The following B3GALT2 variants were observed in gnomAD, a reference collection of about 807,000 sequenced individuals.
B3GALT2 encodes the protein beta-1,3-galactosyltransferase 2.
Under a neutral mutation model 33.5 loss-of-function variants are expected in B3GALT2, and 13 were observed. The observed-to-expected ratio is 0.39, with a 90% CI of 0.25 to 0.62. The LOEUF is 0.62. Among genes scored for constraint, B3GALT2 ranks in the 20% least tolerant of loss-of-function variants. B3GALT2 has a pLI of 0.53. For synonymous variants in B3GALT2, 195 were observed against 172.7 expected, an observed-to-expected ratio of 1.13 and a Z score of -1.01; for missense variants, 418 against 509.1, an observed-to-expected ratio of 0.82 and a Z score of 1.72.
At chr1:193,183,999 C>G (rs536647758) in intron 1 of B3GALT2, among the ~76,000 whole-genome samples, 1 of 151,572 alleles carries the variant, frequency 6.6e-6, no homozygotes, top group South Asian at 2.1e-4. Context: ...AACAATATAC[C>G]TGAAGATGTC....
In B3GALT2 at chr1:193,179,993, A is replaced by G; in HGVS notation, c.*301T>C. On this transcript the variant is annotated 3_prime_UTR_variant, in exon 2 of 2. Coordinates refer to ENST00000367434, the MANE Select transcript of B3GALT2 (RefSeq NM_003783.3). ...AAATTTATGTGGAAAACATATGCAGATACATTTTATTGGCCCCTAACAGAA... is the reference window on the plus strand; with the variant it reads ...AAATTTATGTGGAAAACATATGCAGGTACATTTTATTGGCCCCTAACAGAA... 1 of 202,042 alleles carries G rather than the reference A, an allele frequency of 4.9e-6. No individual in the cohort carries two copies. 12.5% of individuals were successfully genotyped at this position (202,042 alleles called of 1,614,324 possible).
Position 193,180,169 on chromosome 1 carries a change from T to G in B3GALT2, c.*125A>C, listed in dbSNP as rs968835965. 7.2e-6 allele frequency: 6 copies of G among 828,184 alleles called. No homozygotes were observed. The African/African-American group carries it at 8.9e-5, about 12-fold the overall frequency. 51.3% of individuals were successfully genotyped at this position (828,184 alleles called of 1,614,324 possible). A position where few individuals can be genotyped will look rare whatever the true frequency, so the allele number is the denominator to read the frequency against. ...TTAACTTCTTCAGAAATTAAAAAAATACTTCTTGAATTTCTTTATGTGATG... is the reference window on the plus strand; with the variant it reads ...TTAACTTCTTCAGAAATTAAAAAAAGACTTCTTGAATTTCTTTATGTGATG... On this transcript the variant is annotated 3_prime_UTR_variant, in exon 2 of 2. Transcript: ENST00000367434.
Position 193,180,576 on chromosome 1 carries a change from T to C in B3GALT2, c.987A>G (p.Lys329=). The change falls in exon 2 of 2, where the codon AAA becomes AAG. Residue 329 remains lysine, a synonymous_variant. Coordinates refer to ENST00000367434, the MANE Select transcript of B3GALT2 (RefSeq NM_003783.3). ...GCAAACGGCGGATACCTAAAGAAAC[T>C]TTAAAAATCTTTTCTGCCAGATCTC... ...FSGDLAEKIF[K]VSLGIRRLHL... 1 of 1,614,138 alleles carries C rather than the reference T, an allele frequency of 6.2e-7. No homozygotes were observed. The highest frequency in any genetic ancestry group is 8.5e-7 in the Non-Finnish European group (1 of 1,179,986).
At position 193,180,596 on chromosome 1, in the gene B3GALT2, G is replaced by C. The variant is rs1411569101; in HGVS notation, c.967C>G (p.Leu323Val). ...GAAACTTTAAAAATCTTTTCTGCCA[G>C]ATCTCCAGAAAAAACATAACCAGTT... Reference protein sequence around the residue: ...SGTGYVFSGDLAEKIFKVSLG... With the variant: ...SGTGYVFSGDVAEKIFKVSLG... The change falls in exon 2 of 2, where the codon CTG becomes GTG. Residue 323 changes from leucine to valine, a missense_variant. Transcript: ENST00000367434. 2.5e-6 allele frequency: 4 copies of C among 1,614,106 alleles called. No homozygotes were observed. The highest frequency in any genetic ancestry group is 1.7e-5 in the Admixed American group (1 of 60,014).
In B3GALT2 at chr1:193,181,494, G is replaced by A. The variant is rs973164190; in HGVS notation, c.69C>T (p.Phe23=). 1 of 1,612,600 alleles carries A rather than the reference G, an allele frequency of 6.2e-7. No individual in the cohort carries two copies. The highest frequency in any genetic ancestry group is 1.7e-5 in the Admixed American group (1 of 59,642). The change falls in exon 2 of 2, where the codon TTC becomes TTT. Residue 23 remains phenylalanine (F), a synonymous_variant. Coordinates refer to ENST00000367434, the MANE Select transcript of B3GALT2 (RefSeq NM_003783.3). The part of the protein sequence containing the change: ...KMTWNAKRSL[F]RTHLIGVLSL... ...AAAGTACTCCAATAAGATGAGTGCG[G>A]AACAGAGACCTTTTGGCATTCCAGG...
In B3GALT2 at chr1:193,179,506, C is replaced by G. The variant is rs1676673631; in HGVS notation, c.*788G>C. ...GCTGTTTAAGAGTGCAGTAATTGGT[C>G]TAATCCAATAACTCATTGAAATAGG... On this transcript the variant is annotated 3_prime_UTR_variant, in exon 2 of 2. Coordinates refer to ENST00000367434, the MANE Select transcript of B3GALT2 (RefSeq NM_003783.3). The G allele has an allele frequency of 6.6e-6, 1 of 152,570 alleles. No homozygotes were observed. The highest frequency in any genetic ancestry group is 2.4e-5 in the African/African-American group (1 of 41,440). The allele number at this position is 152,570 out of a possible 1,614,324, so 9.5% of individuals were successfully genotyped here.
rs185044879 is a variant in B3GALT2, at chr1:193,180,243, A to G, written c.*51T>C. 11 of 1,478,224 alleles carry G rather than the reference A, an allele frequency of 7.4e-6. No homozygotes were observed. The Admixed American group carries it at 1.8e-4, about 24-fold the overall frequency. The allele number at this position is 1,478,224 out of a possible 1,614,324, so 91.6% of individuals were successfully genotyped here. ...CGGATGTAATCAGTTCTAACTATAC[A>G]TGCTTTTAGCAATATTTACAAATTG... is the stretch of plus-strand genomic sequence containing the variant. On this transcript the variant is annotated 3_prime_UTR_variant, in exon 2 of 2. Coordinates refer to ENST00000367434, the MANE Select transcript of B3GALT2 (RefSeq NM_003783.3).
At position 193,180,527 on chromosome 1, in the gene B3GALT2, T is replaced by A. The variant is rs976996338; in HGVS notation, c.1036A>T (p.Ile346Phe). The A allele has an allele frequency of 6.2e-7, 1 of 1,613,896 alleles. No individual in the cohort carries two copies. Among genetic ancestry groups the A allele is most frequent in the African/African-American group, 1.3e-5 (1 of 74,904 alleles). The stretch of plus-strand genomic sequence containing the variant: ...TCAATTCTCAACTTGGCAAGACAGA[T>A]CCCTACATATACATCTTCCAAGTGC... ...RLHLEDVYVGICLAKLRIDPV... is the reference protein window; with the variant it reads ...RLHLEDVYVGFCLAKLRIDPV... Residue 346 changes from isoleucine to phenylalanine, a missense_variant, in exon 2 of 2, where the codon ATC becomes TTC. This residue lies in a region of B3GALT2 where 226 missense variants were observed against 293.9 expected (regional missense o/e 0.77). Transcript: ENST00000367434.
intron 1 of B3GALT2, among the ~76,000 whole-genome samples, chr1:193,185,000 TGTTCTATG>T (rs1676781275): frequency 1.3e-5 from 2 of 152,088 alleles, no homozygotes; most frequent in Admixed American, 1.3e-4. Flanking sequence ...CCTGAGTTGC[TGTTCTATG>T]ATTGTTGCTA....
rs547531283 is a variant in B3GALT2 at position 193,180,089 on chromosome 1, T to A, written c.*205A>T. 8 of 432,526 alleles carry A rather than the reference T, an allele frequency of 1.8e-5. No individual in the cohort carries two copies. The East Asian group carries it at 3.0e-4, about 16-fold the overall frequency. 26.8% of individuals were successfully genotyped at this position (432,526 alleles called of 1,614,324 possible). On this transcript the variant is annotated 3_prime_UTR_variant, in exon 2 of 2. Coordinates refer to ENST00000367434, the MANE Select transcript of B3GALT2 (RefSeq NM_003783.3). ...CACAGAATCTCCTTATACAGTTTTT[T>A]AAATAGATTGTTTTGGGAAACCTTT...
chr1:193,181,658 T>C lies in B3GALT2; in HGVS notation c.-96A>G. On this transcript the variant is annotated 5_prime_UTR_variant, in exon 2 of 2. An upstream open reading frame in the 5' UTR loses its in-frame stop. Coordinates refer to ENST00000367434, the MANE Select transcript of B3GALT2 (RefSeq NM_003783.3). ...CTTTGGCAATCATTTTCTAATTCAG[T>C]CACATTGTCTCTCTTGTAGTCATTC... 3 of 1,135,772 alleles carry C rather than the reference T, an allele frequency of 2.6e-6. No homozygotes were observed. Among genetic ancestry groups the C allele is most frequent in the South Asian group, 3.2e-5 (2 of 62,054 alleles). The allele number at this position is 1,135,772 out of a possible 1,614,324, so 70.4% of individuals were successfully genotyped here. A position where few individuals can be genotyped will look rare whatever the true frequency, so the allele number is the denominator to read the frequency against.
At chr1:193,182,144 A>G (rs1310461378) in intron 1 of B3GALT2, among the ~76,000 whole-genome samples, 1 of 152,090 alleles carries the variant, frequency 6.6e-6, no homozygotes, top group African/African-American at 2.4e-5. Flanking sequence ...CAGTTGTGGG[A>G]CAGACGGTGC....
In B3GALT2 at chr1:193,180,660, G is replaced by A. The variant is rs753926771; in HGVS notation, c.903C>T (p.Asp301=). Residue 301 remains aspartate, a synonymous_variant, in exon 2 of 2, where the codon GAC becomes GAT. Transcript: ENST00000367434. ...CAGGATAACGCTCACTTGGGTAGAGGTCTGGTGGCATGTACCACTTGCTAT... is the reference window on the plus strand; with the variant it reads ...CAGGATAACGCTCACTTGGGTAGAGATCTGGTGGCATGTACCACTTGCTAT... The part of the protein sequence containing the change: ...NKDSKWYMPP[D]LYPSERYPVF... 3.1e-6 allele frequency: 5 copies of A among 1,614,072 alleles called. No homozygotes were observed. The Admixed American group carries it at 5.0e-5, about 16-fold the overall frequency.
At chr1:193,184,363 GTATT>G (rs1182408434) in intron 1 of B3GALT2, among the ~76,000 whole-genome samples, 1 of 151,814 alleles carries the variant, frequency 6.6e-6, no homozygotes, top group Non-Finnish European at 1.5e-5. Flanking sequence ...ATTGCCTGTT[GTATT>G]TTAATTCTTA....
Position 193,179,080 on chromosome 1 carries a change from C to G in B3GALT2, c.*1214G>C, listed in dbSNP as rs1558300110. On this transcript the variant is annotated 3_prime_UTR_variant, in exon 2 of 2. Coordinates refer to ENST00000367434, the MANE Select transcript of B3GALT2 (RefSeq NM_003783.3). ...TGTTTTCCTTTATTTTTAAAAACTT[C>G]ATAAAAGTGCATTGTATACATTGTT... The G allele has an allele frequency of 6.6e-6, 1 of 152,104 alleles. No individual in the cohort carries two copies. The highest frequency in any genetic ancestry group is 1.5e-5 in the Non-Finnish European group (1 of 68,004). 9.4% of individuals were successfully genotyped at this position (152,104 alleles called of 1,614,324 possible).
intron 1 of B3GALT2, among the ~76,000 whole-genome samples, chr1:193,184,615 G>A (rs1018994480): frequency 6.6e-6 from 1 of 151,446 alleles, no homozygotes. Context: ...TTAGTCTGTT[G>A]GTGATGGTTT....
intron 1 of B3GALT2, among the ~76,000 whole-genome samples, chr1:193,184,858 C>G (rs1233708872): frequency 2.0e-5 from 3 of 151,834 alleles, no homozygotes; most frequent in Non-Finnish European, 4.4e-5. Flanking sequence ...GAATGCAGTA[C>G]TTACATATTT....
rs140345484 is a variant in B3GALT2 at position 193,180,842 on chromosome 1, A to G, written c.721T>C (p.Tyr241His). Residue 241 changes from tyrosine (Y) to histidine (H), a missense_variant, in exon 2 of 2, where the codon TAC becomes CAC. Coordinates refer to ENST00000367434, the MANE Select transcript of B3GALT2 (RefSeq NM_003783.3). ...TLMGMNWVAT[Y>H]CPHIPYVMKT... is the part of the protein sequence containing the mutation. Reference sequence around the variant, plus strand: ...ATAACATATGGAATATGTGGACAGTATGTTGCAACCCAGTTCATGCCCATT... The same window carrying G: ...ATAACATATGGAATATGTGGACAGTGTGTTGCAACCCAGTTCATGCCCATT... 538 of 1,613,870 alleles carry G rather than the reference A, an allele frequency of 3.3e-4. No homozygotes were observed. The highest frequency in any genetic ancestry group is 4.4e-4 in the Non-Finnish European group (515 of 1,179,928).
In B3GALT2 at chr1:193,179,737, T is replaced by G. The variant is rs190154019; in HGVS notation, c.*557A>C. On this transcript the variant is annotated 3_prime_UTR_variant, in exon 2 of 2. Transcript: ENST00000367434. ...CAGTTATTTTTAAAAAGTAAATACTTTCGTGAGAACTGCATTGATGAAACA... is the reference window on the plus strand; with the variant it reads ...CAGTTATTTTTAAAAAGTAAATACTGTCGTGAGAACTGCATTGATGAAACA... The G allele has an allele frequency of 3.3e-5, 5 of 152,662 alleles. No homozygotes were observed. In the East Asian group the frequency reaches 7.7e-4, roughly 24 times the overall value. The allele number at this position is 152,662 out of a possible 1,614,324, so 9.5% of individuals were successfully genotyped here.
Sources: gnomAD v4.1 joint callset for allele counts (sites outside exome capture counted in the v4.1 genomes callset) on GRCh38, gnomAD v4.1.1 for gene constraint, gnomAD v4.1.1 regional missense constraint, MANE v1.5 for transcripts, NCBI Gene and HGNC (gene_info 2026-07-23, HGNC 2026-07-21) for gene names.